DIPK2B: variants seen among roughly 807,000 people sequenced by gnomAD.
DIPK2B encodes divergent protein kinase domain 2B.
A neutral mutation model predicts 22.2 loss-of-function variants in DIPK2B; 15 were observed. That is an observed-to-expected ratio of 0.68 (90% confidence interval 0.45 to 1.04). The LOEUF (loss-of-function observed/expected upper bound fraction) is 1.04. Ranked by LOEUF, DIPK2B falls within the 50% of genes least tolerant of loss-of-function variation. DIPK2B has a pLI of 0.00. For missense variants in DIPK2B, 345 were observed against 348.3 expected, an observed-to-expected ratio of 0.99 and a Z score of 0.08; for synonymous variants, 163 against 153.2, an observed-to-expected ratio of 1.06 and a Z score of -0.47.
intron 2 of DIPK2B, chrX:45,162,580 A>G: frequency 2.7e-6 from 2 of 754,069 alleles, no homozygotes; most frequent in Non-Finnish European, 3.1e-6. Flanking sequence ...GAAACCAACC[A>G]TTTCCAATAA....
At chrX:45,179,645 A>T (rs1165045753) in intron 2 of DIPK2B, among the ~76,000 whole-genome samples, 2 of 111,606 alleles carry the variant, frequency 1.8e-5, no homozygotes, top group Non-Finnish European at 3.8e-5. Context: ...ACTGGGTTTA[A>T]CAGAAAACTG....
At chrX:45,166,974 T>C (rs1037278758) in intron 2 of DIPK2B, among the ~76,000 whole-genome samples, 3 of 112,322 alleles carry the variant, frequency 2.7e-5, no homozygotes, top group Non-Finnish European at 5.6e-5. Flanking sequence ...CCTTTCTGGT[T>C]ACACACCTGA....
chrX:45,162,394 A>G lies in DIPK2B; in HGVS notation c.499-4506T>C, dbSNP rs957147438. On this transcript the variant is annotated intron_variant, in intron 2 of 4. Transcript: ENST00000398000. ...GCTGAGAAGGTTCTGAGCAACCTCT[A>G]TAACTGTAGCAGGAACAGGCTTAAG... The G allele has an allele frequency of 8.0e-6, 6 of 752,868 alleles. No individual in the cohort carries two copies. The African/African-American group carries it at 1.2e-4, about 14-fold the overall frequency. 62.0% of individuals were successfully genotyped at this position (752,868 alleles called of 1,213,427 possible). A position where few individuals can be genotyped will look rare whatever the true frequency, so the allele number is the denominator to read the frequency against.
At chrX:45,162,680 T>C in intron 2 of DIPK2B, 1 of 754,601 alleles carries the variant, frequency 1.3e-6, no homozygotes, top group Non-Finnish European at 1.6e-6. Flanking sequence ...TCTGCATACA[T>C]GGGCAACAGG....
At chrX:45,185,355 C>A (rs970646922) in intron 2 of DIPK2B, among the ~76,000 whole-genome samples, 11 of 111,359 alleles carry the variant, frequency 9.9e-5, no homozygotes, top group Admixed American at 3.8e-4. Flanking sequence ...ACAAAGGATG[C>A]CTTGATTTTT....
At chrX:45,179,849 C>T (rs2047140009) in intron 2 of DIPK2B, among the ~76,000 whole-genome samples, 1 of 111,741 alleles carries the variant, frequency 8.9e-6, no homozygotes, top group Non-Finnish European at 1.9e-5. Context: ...AATACATGAT[C>T]ATCTTAATAC....
intron 2 of DIPK2B, among the ~76,000 whole-genome samples, chrX:45,174,494 G>A (rs2047105370): frequency 9.0e-6 from 1 of 110,972 alleles, no homozygotes; most frequent in Non-Finnish European, 1.9e-5. Flanking sequence ...AAGGTGCTAT[G>A]GGAATACAGA....
chrX:45,156,451 G>T (rs2046996376), intron 3 of DIPK2B, among the ~76,000 whole-genome samples: 1 of 112,194 alleles, frequency 8.9e-6, no homozygotes, highest in Non-Finnish European at 1.9e-5. Flanking sequence ...AGGCCTAAAA[G>T]TAGCCAAGGT....
intron 2 of DIPK2B, among the ~76,000 whole-genome samples, chrX:45,171,680 C>G (rs192271225): frequency 5.4e-4 from 61 of 112,400 alleles, no homozygotes; most frequent in African/African-American, 2.0e-3. Context: ...CATCCTTCCT[C>G]TCCCAGTTTA....
chrX:45,174,982 C>G (rs2047109182), intron 2 of DIPK2B, among the ~76,000 whole-genome samples: 1 of 111,929 alleles, frequency 8.9e-6, no homozygotes. Flanking sequence ...AAGGGCGTGA[C>G]TTCTGCATTC....
At chrX:45,188,035 C>T (rs975944797) in intron 2 of DIPK2B, among the ~76,000 whole-genome samples, 1 of 111,753 alleles carries the variant, frequency 8.9e-6, no homozygotes, top group Non-Finnish European at 1.9e-5. Flanking sequence ...TGAGCCGACA[C>T]TGGGCCATTT....
chrX:45,163,173 CA>C, intron 2 of DIPK2B: 1 of 199,222 alleles, frequency 5.0e-6, no homozygotes, highest in Non-Finnish European at 7.6e-6. Context: ...CCCTTAAGAA[CA>C]AAAACAGATT....
chrX:45,167,489 CTG>C (rs2047054917), intron 2 of DIPK2B, among the ~76,000 whole-genome samples: 1 of 47,181 alleles, frequency 2.1e-5, no homozygotes, highest in African/African-American at 9.1e-5. Context: ...CAAAACAAGA[CTG>C]TCTCAAAAAA....
chrX:45,160,417 C>G (rs2047016975), intron 2 of DIPK2B, among the ~76,000 whole-genome samples: 1 of 110,713 alleles, frequency 9.0e-6, no homozygotes, highest in Non-Finnish European at 1.9e-5. Context: ...ACCATCTTGG[C>G]CAGACTGGTT....
intron 2 of DIPK2B, chrX:45,162,982 G>A (rs1476402696): frequency 4.0e-6 from 3 of 745,326 alleles, no homozygotes; most frequent in Middle Eastern, 7.5e-4. Flanking sequence ...GCATGTTGCT[G>A]TGATGGTTAA....
chrX:45,191,268 G>A (rs906613227), intron 2 of DIPK2B: 2 of 115,813 alleles, frequency 1.7e-5, no homozygotes, highest in African/African-American at 6.4e-5. Flanking sequence ...TGTAATGGCT[G>A]AGGTTTGGTT....
In DIPK2B at chrX:45,200,638, G is replaced by A; in HGVS notation, c.189C>T (p.Cys63=). 8.2e-7 allele frequency: 1 copy of A among 1,212,171 alleles called. No homozygotes were observed. Among genetic ancestry groups the A allele is most frequent in the Admixed American group, 2.2e-5 (1 of 46,145 alleles). ...TFLGLDKCNA[C]IGTSICKKFF... is the part of the protein sequence containing the mutation. ...ACTTCTTGCAAATAGATGTCCCGAT[G>A]CAGGCATTGCATTTATCAAGACCGA... The change falls in exon 1 of 5, where the codon TGC becomes TGT. Residue 63 remains cysteine (C), a synonymous_variant. Coordinates refer to ENST00000398000, the MANE Select transcript of DIPK2B (RefSeq NM_176819.4).
chrX:45,199,407 C>A (rs1272678951), intron 1 of DIPK2B, among the ~76,000 whole-genome samples: 3 of 110,716 alleles, frequency 2.7e-5, no homozygotes, highest in African/African-American at 9.9e-5. Flanking sequence ...GACTGGAAAC[C>A]ACTGGTCCAC....
chrX:45,194,905 A>G (rs1329605170), intron 1 of DIPK2B, among the ~76,000 whole-genome samples: 1 of 111,519 alleles, frequency 9.0e-6, no homozygotes, highest in Non-Finnish European at 1.9e-5. Context: ...AGACAAGTTC[A>G]TTGTCCTTTT....
Sources: gnomAD v4.1 joint callset for allele counts (sites outside exome capture counted in the v4.1 genomes callset) on GRCh38, gnomAD v4.1.1 for gene constraint, MANE v1.5 for transcripts, NCBI Gene and HGNC (gene_info 2026-07-23, HGNC 2026-07-21) for gene names.